Variants in ERC2 observed in about 807,000 individuals in gnomAD.
ERC2 encodes ERC protein 2.
In ERC2, 42 loss-of-function variants were observed where a neutral mutation model predicts 114.8. The ratio of observed to expected loss-of-function variants is 0.37; its 90% CI spans 0.29 to 0.47. The LOEUF (loss-of-function observed/expected upper bound fraction) is 0.47. Among genes scored for constraint, ERC2 ranks in the 20% least tolerant of loss-of-function variants. The pLI is 0.99. For missense variants in ERC2, 939 were observed against 1,150.7 expected (o/e 0.82, Z 2.66); for synonymous variants, 454 against 425.5 (o/e 1.07, Z -0.82).
intron 15 of ERC2, among the ~76,000 whole-genome samples, chr3:55,726,682 T>C (rs1487843819): frequency 6.6e-6 from 1 of 152,216 alleles, no homozygotes; most frequent in South Asian, 2.1e-4. Context: ...TCTACCTAAA[T>C]AGATTACATT....
At chr3:55,998,339 T>A (rs545827030) in intron 10 of ERC2, among the ~76,000 whole-genome samples, 1 of 152,230 alleles carries the variant, frequency 6.6e-6, no homozygotes, top group Admixed American at 6.5e-5. Flanking sequence ...ATTAATGCAA[T>A]CCTTTTTAAT....
intron 17 of ERC2, among the ~76,000 whole-genome samples, chr3:55,536,216 C>T (rs1271034328): frequency 6.6e-6 from 1 of 152,172 alleles, no homozygotes; most frequent in Admixed American, 6.5e-5. Context: ...TCTGATTTAG[C>T]TTTCTCCTGT....
intron 17 of ERC2, among the ~76,000 whole-genome samples, chr3:55,596,529 T>G (rs2058145832): frequency 1.3e-5 from 2 of 152,182 alleles, no homozygotes; most frequent in African/African-American, 4.8e-5. Flanking sequence ...CAGCGAGCTG[T>G]GATTATGCCA....
At chr3:55,775,651 G>T (rs907259556) in intron 14 of ERC2, among the ~76,000 whole-genome samples, 3 of 152,088 alleles carry the variant, frequency 2.0e-5, no homozygotes, top group Non-Finnish European at 2.9e-5. Flanking sequence ...GAGAGAGTAA[G>T]GAGAGATAGA....
At chr3:55,985,939 A>G (rs2070589658) in intron 12 of ERC2, 38 bp downstream of exon 12, 1 of 1,531,144 alleles carries the variant, frequency 6.5e-7, no homozygotes, top group African/African-American at 1.4e-5. Flanking sequence ...TGAGCTTAGG[A>G]GGGAAAGGCA....
chr3:56,411,835 A>AG (rs538341437), intron 2 of ERC2, among the ~76,000 whole-genome samples: 41 of 152,314 alleles, frequency 2.7e-4, no homozygotes, highest in African/African-American at 3.8e-4. Flanking sequence ...CAAACTGCCC[A>AG]GGGGGCTTCA....
chr3:56,235,931 CA>C (rs1287226015), intron 3 of ERC2, among the ~76,000 whole-genome samples: 1 of 152,140 alleles, frequency 6.6e-6, no homozygotes. Context: ...ACAGACATAT[CA>C]GTTTGAAAGC....
intron 15 of ERC2, among the ~76,000 whole-genome samples, chr3:55,733,538 T>TCACACACACACACACACA (rs1196908352): frequency 1.3e-5 from 1 of 74,168 alleles, no homozygotes; most frequent in Non-Finnish European, 2.9e-5. Context: ...TCTTTCTCTC[T>TCACACACACACACACACA]CTCTCACACA....
intron 17 of ERC2, among the ~76,000 whole-genome samples, chr3:55,664,841 G>A (rs749611551): frequency 1.3e-5 from 2 of 152,138 alleles, no homozygotes; most frequent in Non-Finnish European, 2.9e-5. Flanking sequence ...ATCTCGCAAC[G>A]CAGGGAGCTT....
At chr3:56,104,901 A>G (rs1048338943) in intron 6 of ERC2, among the ~76,000 whole-genome samples, 2 of 152,166 alleles carry the variant, frequency 1.3e-5, no homozygotes, top group Non-Finnish European at 2.9e-5. Context: ...GGTTATATAG[A>G]ACGCTAGAAA....
At chr3:55,842,673 C>A (rs2061185332) in intron 14 of ERC2, among the ~76,000 whole-genome samples, 1 of 151,542 alleles carries the variant, frequency 6.6e-6, no homozygotes, top group Non-Finnish European at 1.5e-5. Context: ...ATTCCAGAAC[C>A]ATCCCATTAC....
At chr3:55,629,739 A>C (rs902337650) in intron 17 of ERC2, among the ~76,000 whole-genome samples, 7 of 152,250 alleles carry the variant, frequency 4.6e-5, no homozygotes, top group Non-Finnish European at 8.8e-5. Context: ...AAACATGTTA[A>C]CAAATAAATA....
Position 56,150,023 on chromosome 3 carries a change from G to A in ERC2, c.1150-891C>T, listed in dbSNP as rs113244854. On this transcript the variant is annotated intron_variant, in intron 4 of 17. Transcript: ENST00000288221. ...CAACAGTAAGTATTAGGCTTCAATCGGTCTTTGAAATGAAAGTTTGACACA... is the reference window on the plus strand; with the variant it reads ...CAACAGTAAGTATTAGGCTTCAATCAGTCTTTGAAATGAAAGTTTGACACA... Among the ~76,000 whole-genome samples, 364 of 152,196 alleles carry A rather than the reference G, an allele frequency of 2.4e-3. 1 individual carries two copies. The highest frequency in any genetic ancestry group is 8.3e-3 in the African/African-American group (345 of 41,540).
chr3:56,405,450 G>C (rs2060679396), intron 2 of ERC2, among the ~76,000 whole-genome samples: 2 of 151,994 alleles, frequency 1.3e-5, no homozygotes, highest in African/African-American at 4.8e-5. Context: ...AAAAAAGAAG[G>C]GATGGACCCA....
intron 2 of ERC2, among the ~76,000 whole-genome samples, chr3:56,397,539 G>A (rs555652743): frequency 6.6e-6 from 1 of 152,046 alleles, no homozygotes; most frequent in Non-Finnish European, 1.5e-5. Flanking sequence ...TGATGCAACT[G>A]TTTCATATTG....
intron 13 of ERC2, among the ~76,000 whole-genome samples, chr3:55,948,203 T>C (rs996613659): frequency 6.6e-6 from 1 of 152,242 alleles, no homozygotes; most frequent in African/African-American, 2.4e-5. Flanking sequence ...TTGTAGGCAA[T>C]ACTCTACATG....
At chr3:56,031,289 C>A (rs1331337613) in intron 7 of ERC2, among the ~76,000 whole-genome samples, 1 of 152,152 alleles carries the variant, frequency 6.6e-6, no homozygotes, top group Non-Finnish European at 1.5e-5. Context: ...TCCAGTCCCA[C>A]CCTAAATAAC....
In ERC2 at chr3:55,735,005, A is replaced by C. The variant is rs1575429764; in HGVS notation, c.2565-87T>G. On this transcript the variant is annotated intron_variant, in intron 14 of 17. Coordinates refer to ENST00000288221, the MANE Select transcript of ERC2 (RefSeq NM_015576.3). ...CATTTATAGTTGAAATGAACCACAG[A>C]GTATTGTCTCAATGGAAAGAAATTA... 4.5e-6 allele frequency: 6 copies of C among 1,338,770 alleles called. No homozygotes were observed. The East Asian group carries it at 1.3e-4, about 28-fold the overall frequency. 82.9% of individuals were successfully genotyped at this position (1,338,770 alleles called of 1,614,324 possible).
intron 2 of ERC2, among the ~76,000 whole-genome samples, chr3:56,309,246 G>C (rs71309946): frequency 2.6e-5 from 4 of 152,184 alleles, no homozygotes; most frequent in Non-Finnish European, 5.9e-5. Flanking sequence ...ATTTTTAAAA[G>C]CACTGGGACT....
Sources: allele counts gnomAD v4.1 joint callset (sites outside exome capture counted in the v4.1 genomes callset), GRCh38; gene constraint gnomAD v4.1.1; transcripts MANE v1.5; gene names NCBI Gene and HGNC (gene_info 2026-07-23, HGNC 2026-07-21).